The following MYBL2 variants were observed in gnomAD, a reference collection of about 807,000 sequenced individuals.
MYBL2 encodes MYB proto-oncogene like 2.
Under a neutral mutation model 79.9 loss-of-function variants are expected in MYBL2, and 28 were observed. The ratio of observed to expected loss-of-function variants is 0.35; its 90% CI spans 0.26 to 0.48. The LOEUF (loss-of-function observed/expected upper bound fraction) is 0.48. MYBL2 is among the 20% of genes least tolerant of loss of function. The pLI is 0.99. For synonymous variants in MYBL2, 378 were observed against 361.2 expected (o/e 1.05, Z -0.53); for missense variants, 735 against 893.9 (o/e 0.82, Z 2.27).
chr20:43,711,755 G>GAA (rs1987913760), intron 11 of MYBL2, among the ~76,000 whole-genome samples, 154 bp downstream of exon 11: 1 of 152,104 alleles, frequency 6.6e-6, no homozygotes, highest in African/African-American at 2.4e-5. Context: ...GGTTGTTGAG[G>GAA]AAACTGACAA....
intron 1 of MYBL2, among the ~76,000 whole-genome samples, chr20:43,668,685 GTTTT>G (rs3091868): frequency 1.3e-4 from 14 of 106,240 alleles, no homozygotes; most frequent in Admixed American, 2.0e-4. Context: ...CCCTGCCCTG[GTTTT>G]TTTTTTTTTT....
intron 2 of MYBL2, among the ~76,000 whole-genome samples, chr20:43,675,662 A>C (rs895733808): frequency 1.3e-5 from 2 of 151,902 alleles, no homozygotes; most frequent in African/African-American, 2.4e-5. Flanking sequence ...CACCACCCTG[A>C]TTATCCCAAG....
intron 2 of MYBL2, among the ~76,000 whole-genome samples, chr20:43,676,035 G>T (rs1987002966): frequency 6.6e-6 from 1 of 151,722 alleles, no homozygotes; most frequent in South Asian, 2.1e-4. Flanking sequence ...CTCTCAAGTA[G>T]CTGGGATTAC....
At chr20:43,692,081 A>AGGGAG in intron 5 of MYBL2, 76 bp from the exon 6 acceptor site, 1 of 1,446,800 alleles carries the variant, frequency 6.9e-7, no homozygotes, top group South Asian at 1.2e-5. Flanking sequence ...AACTTGGCTT[A>AGGGAG]GGGAGGTTAG....
intron 9 of MYBL2, among the ~76,000 whole-genome samples, chr20:43,709,587 C>T (rs1987861305): frequency 6.6e-6 from 1 of 152,192 alleles, no homozygotes; most frequent in African/African-American, 2.4e-5. Flanking sequence ...CCATCCTTCT[C>T]ACACAGGCTC....
At chr20:43,680,132 G>T (rs1987109905) in intron 2 of MYBL2, among the ~76,000 whole-genome samples, 1 of 152,162 alleles carries the variant, frequency 6.6e-6, no homozygotes, top group Non-Finnish European at 1.5e-5. Flanking sequence ...CCGGGTTCAA[G>T]TGAATCTTCT....
rs1320080943 is a variant in MYBL2, at chr20:43,687,290, A to AAG, written c.500+219_500+220dup. ...TCAGCTTAAAAGAACAGATGGTGAT[A>AAG]AGGGAGGCCTCAGCAAGAAATCGGG... On this transcript the variant is annotated intron_variant, in intron 5 of 13. Transcript: ENST00000217026. 2.0e-5 allele frequency among the ~76,000 whole-genome samples: 3 copies of AAG among 152,228 alleles called. No individual in the cohort carries two copies. The South Asian group carries it at 6.2e-4, about 32-fold the overall frequency.
At chr20:43,689,578 G>A (rs1444591655) in intron 5 of MYBL2, among the ~76,000 whole-genome samples, 1 of 152,176 alleles carries the variant, frequency 6.6e-6, no homozygotes, top group Non-Finnish European at 1.5e-5. Flanking sequence ...TCATCCTTCA[G>A]TTCTCAGTGG....
chr20:43,704,684 C>G (rs1221617612), intron 8 of MYBL2, among the ~76,000 whole-genome samples: 1 of 152,182 alleles, frequency 6.6e-6, no homozygotes. Context: ...GTGCAAGACT[C>G]AAAACCTCTC....
intron 5 of MYBL2, 128 bp from the exon 6 acceptor site, chr20:43,692,029 C>T (rs1042940375): frequency 1.2e-6 from 1 of 807,930 alleles, no homozygotes; most frequent in Non-Finnish European, 2.0e-6. Flanking sequence ...CTGAAAGAGA[C>T]CTTAGAGTTC....
At position 43,682,892 on chromosome 20, in the gene MYBL2, T is replaced by A. The variant is rs751423389; in HGVS notation, c.279+6T>A. The A allele has an allele frequency of 7.4e-6, 12 of 1,612,916 alleles. No homozygotes were observed. The highest frequency in any genetic ancestry group is 1.0e-5 in the Non-Finnish European group (12 of 1,179,114). On this transcript the variant is annotated splice_donor_region_variant and intron_variant, in intron 4 of 13. Transcript: ENST00000217026. ...CCAAAGAGGAAGACCAAAAAGTAAC[T>A]GCTGGGACAGTGCCTTGCACACAGT...
chr20:43,681,657 T>C (rs12625831), intron 2 of MYBL2, 127 bp from the exon 3 acceptor site: 37,308 of 936,490 alleles, frequency 0.04, 951 homozygotes, highest in East Asian at 0.085. Flanking sequence ...CCTGGCACCT[T>C]GTACGTATTC....
chr20:43,675,344 GTC>G (rs1363916096), intron 2 of MYBL2, among the ~76,000 whole-genome samples: 2 of 149,310 alleles, frequency 1.3e-5, no homozygotes, highest in Admixed American at 1.3e-4. Context: ...TTGAGATGGA[GTC>G]TCTGTCTCCC....
At chr20:43,680,700 G>A (rs1409913985) in intron 2 of MYBL2, among the ~76,000 whole-genome samples, 3 of 152,036 alleles carry the variant, frequency 2.0e-5, no homozygotes, top group Non-Finnish European at 2.9e-5. Context: ...TCGCCATATT[G>A]GCCAGGCTGG....
intron 6 of MYBL2, among the ~76,000 whole-genome samples, chr20:43,693,072 G>A (rs1231306211): frequency 6.6e-6 from 1 of 152,034 alleles, no homozygotes; most frequent in Non-Finnish European, 1.5e-5. Flanking sequence ...TTGCTCTGAT[G>A]CCCAGGCTGG....
At chr20:43,697,004 C>T (rs575584051) in intron 6 of MYBL2, among the ~76,000 whole-genome samples, 2 of 152,418 alleles carry the variant, frequency 1.3e-5, no homozygotes, top group South Asian at 4.1e-4. Flanking sequence ...GGATTACAGG[C>T]GTGAGCCACT....
Position 43,702,541 on chromosome 20 carries a change from T to TC in MYBL2, c.1004dup (p.Ala336CysfsTer62). On this transcript the variant is annotated frameshift_variant, in exon 8 of 14. Coordinates refer to ENST00000217026, the MANE Select transcript of MYBL2 (RefSeq NM_002466.4). LOFTEE classifies it high-confidence loss of function. The stretch of plus-strand genomic sequence containing the variant: ...TAAATTTGACCTCCCTGAGGAACCA[T>TC]CTGCAGAGGACAGTATCAACAACAG... 6.2e-7 allele frequency: 1 copy of TC among 1,613,308 alleles called. No individual in the cohort carries two copies. Among genetic ancestry groups the TC allele is most frequent in the Non-Finnish European group, 8.5e-7 (1 of 1,179,304 alleles).
intron 11 of MYBL2, among the ~76,000 whole-genome samples, chr20:43,712,023 C>T (rs34622298): frequency 0.013 from 1,986 of 151,078 alleles, 22 homozygotes; most frequent in Middle Eastern, 0.021. Flanking sequence ...TGGGTGGAGG[C>T]GAGGCGGTCG....
chr20:43,705,457 C>T, intron 9 of MYBL2, 99 bp downstream of exon 9: 1 of 1,364,672 alleles, frequency 7.3e-7, no homozygotes, highest in Non-Finnish European at 9.7e-7. Flanking sequence ...GAGGGGGCAC[C>T]CTTGGAATAA....
Sources: allele counts gnomAD v4.1 joint callset (sites outside exome capture counted in the v4.1 genomes callset), GRCh38; gene constraint gnomAD v4.1.1; transcripts MANE v1.5; gene names NCBI Gene and HGNC (gene_info 2026-07-23, HGNC 2026-07-21).